NDUFAF6: variants seen among roughly 807,000 people sequenced by gnomAD.
NDUFAF6 encodes NADH dehydrogenase (ubiquinone) complex I, assembly factor 6.
Under a neutral mutation model 40.8 loss-of-function variants are expected in NDUFAF6, and 45 were observed. The observed-to-expected ratio is 1.10, with a 90% confidence interval of 0.87 to 1.42. The LOEUF (loss-of-function observed/expected upper bound fraction) is 1.42, where lower values mean the gene tolerates loss of function less well. Ranked by LOEUF, NDUFAF6 falls within the 40% of genes most tolerant of loss-of-function variation. NDUFAF6 has a pLI of 0.00. For missense variants in NDUFAF6, 435 were observed against 418.5 expected, an observed-to-expected ratio of 1.04 and a Z score of -0.34; for synonymous variants, 185 against 155.9, an observed-to-expected ratio of 1.19 and a Z score of -1.39.
At chr8:94,934,231 A>G (rs75750317) in intron 1 of NDUFAF6, among the ~76,000 whole-genome samples, 2,404 of 151,724 alleles carry the variant, frequency 0.016, 67 homozygotes, top group African/African-American at 0.054. Context: ...GTCATTTCCA[A>G]TTTTTGCATA....
chr8:94,905,561 G>A (rs1341230533), intron 1 of NDUFAF6, among the ~76,000 whole-genome samples: 3 of 152,110 alleles, frequency 2.0e-5, no homozygotes, highest in African/African-American at 7.2e-5. Context: ...GAGCTTCCCT[G>A]GTCCTTCCCC....
chr8:95,048,609 T>C (rs370925954), intron 7 of NDUFAF6, 51 bp downstream of exon 7: 5 of 1,264,670 alleles, frequency 4.0e-6, no homozygotes, highest in Non-Finnish European at 4.6e-6. Context: ...CATTTCTAGA[T>C]GTGGCTCTTC....
At chr8:94,990,819 C>T (rs566419319) in intron 2 of NDUFAF6, among the ~76,000 whole-genome samples, 1 of 152,350 alleles carries the variant, frequency 6.6e-6, no homozygotes, top group Admixed American at 6.5e-5. Flanking sequence ...ACAAGGGAAG[C>T]TTGAGACAGT....
intron 2 of NDUFAF6, among the ~76,000 whole-genome samples, chr8:94,987,551 CAT>C (rs938335825): frequency 1.3e-5 from 2 of 152,164 alleles, no homozygotes; most frequent in African/African-American, 4.8e-5. Context: ...TGGGAATCAG[CAT>C]ATGTTTAGAA....
chr8:95,052,721 A>G (rs1478448513), intron 8 of NDUFAF6, among the ~76,000 whole-genome samples: 1 of 152,078 alleles, frequency 6.6e-6, no homozygotes. Context: ...AACCTGGAAA[A>G]CTTTTTAAAA....
At chr8:95,100,558 T>C (rs1809618813) in intron 1 of NDUFAF6, 1 of 152,240 alleles carries the variant, frequency 6.6e-6, no homozygotes, top group African/African-American at 2.4e-5. Flanking sequence ...TCTATGTTTG[T>C]TTATGTTAAA....
intron 6 of NDUFAF6, among the ~76,000 whole-genome samples, chr8:95,047,489 CTTTGT>C (rs1409360993): frequency 1.4e-5 from 2 of 146,712 alleles, no homozygotes; most frequent in Admixed American, 1.4e-4. Context: ...TTTATGAGGA[CTTTGT>C]TTTCTTTTCT....
chr8:94,988,105 G>A (rs1327239375), intron 2 of NDUFAF6, among the ~76,000 whole-genome samples: 1 of 152,196 alleles, frequency 6.6e-6, no homozygotes, highest in Non-Finnish European at 1.5e-5. Context: ...CCACCACTAA[G>A]CCTCAGAAAT....
intron 1 of NDUFAF6, among the ~76,000 whole-genome samples, chr8:94,905,598 C>G (rs1216278136): frequency 6.6e-6 from 1 of 152,168 alleles, no homozygotes. Context: ...GCATCCTGCC[C>G]CTTCCTACCA....
chr8:94,972,674 T>C (rs566255402), intron 1 of NDUFAF6, among the ~76,000 whole-genome samples: 1 of 148,790 alleles, frequency 6.7e-6, no homozygotes, highest in African/African-American at 2.5e-5. Context: ...GAGGATTGTG[T>C]GAGCTCAGGA....
At chr8:94,978,686 C>T (rs140632872) in intron 1 of NDUFAF6, among the ~76,000 whole-genome samples, 226 of 151,858 alleles carry the variant, frequency 1.5e-3, no homozygotes, top group Non-Finnish European at 2.5e-3. Context: ...TTTGCTGTAA[C>T]CTGGGAGACA....
intron 1 of NDUFAF6, among the ~76,000 whole-genome samples, chr8:94,904,465 C>T (rs1345804903): frequency 1.3e-5 from 2 of 150,908 alleles, no homozygotes; most frequent in East Asian, 1.9e-4. Flanking sequence ...TGTGAGCCAC[C>T]GCGCCTGGCC....
In NDUFAF6 at chr8:94,983,256, C is replaced by CT. The variant is rs1173077785; in HGVS notation, c.-84+2309dup. Among the ~76,000 whole-genome samples, 706 of 83,214 alleles carry CT rather than the reference C, an allele frequency of 8.5e-3. 52 individuals carry two copies. The highest frequency in any genetic ancestry group is 0.011 in the Non-Finnish European group (436 of 40,496). 54.6% of individuals were successfully genotyped at this position (83,214 alleles called of 152,430 possible). A position where few individuals can be genotyped will look rare whatever the true frequency, so the allele number is the denominator to read the frequency against. ...GTAAATTCAAGATATCTTTGCTATT[C>CT]TTTTTTTTTTTTTTTTTTTTTTTTT... is the stretch of plus-strand genomic sequence containing the variant. On this transcript the variant is annotated intron_variant, in intron 2 of 9. Transcript: ENST00000396111.
chr8:94,911,270 T>TA (rs1191216577), intron 1 of NDUFAF6, among the ~76,000 whole-genome samples: 4 of 152,238 alleles, frequency 2.6e-5, no homozygotes, highest in Non-Finnish European at 5.9e-5. Flanking sequence ...AGCTAGTTTT[T>TA]ATCACTTAAT....
chr8:95,013,157 A>G lies in NDUFAF6; in HGVS notation c.-83-18838A>G, dbSNP rs190444891. On this transcript the variant is annotated intron_variant, in intron 2 of 9. Coordinates refer to the NDUFAF6 transcript ENST00000396111. ...TGCTCTCCAACCCAAACTATAGTGC[A>G]GTGGCACAATCATAGCTCACTGCAG... Among the ~76,000 whole-genome samples, 98 of 152,032 alleles carry G rather than the reference A, an allele frequency of 6.4e-4. No homozygotes were observed. The East Asian group carries it at 0.011, about 17-fold the overall frequency.
At chr8:95,036,637 AG>A (rs1274107998) in intron 3 of NDUFAF6, 1 of 621,944 alleles carries the variant, frequency 1.6e-6, no homozygotes, top group African/African-American at 1.9e-5. Flanking sequence ...GTGGAGGTGG[AG>A]GTTTATGTTA....
chr8:95,048,884 C>T (rs1831116221), intron 7 of NDUFAF6, among the ~76,000 whole-genome samples: 1 of 152,188 alleles, frequency 6.6e-6, no homozygotes, highest in Middle Eastern at 3.2e-3. Context: ...CGTCCCCCTC[C>T]CAGGGGCTGC....
chr8:94,974,349 G>A (rs1293664741), intron 1 of NDUFAF6, among the ~76,000 whole-genome samples: 1 of 152,078 alleles, frequency 6.6e-6, no homozygotes, highest in Admixed American at 6.5e-5. Flanking sequence ...AGGGAGGACA[G>A]TGAGTTGGCC....
chr8:95,047,901 A>G (rs1830988423), intron 6 of NDUFAF6, among the ~76,000 whole-genome samples: 1 of 151,432 alleles, frequency 6.6e-6, no homozygotes, highest in Admixed American at 6.6e-5. Context: ...TCTACCTACA[A>G]CTTGTTAATT....
Sources: gnomAD v4.1 joint callset for allele counts (sites outside exome capture counted in the v4.1 genomes callset) on GRCh38, gnomAD v4.1.1 for gene constraint, MANE v1.5 for transcripts, NCBI Gene and HGNC (gene_info 2026-07-23, HGNC 2026-07-21) for gene names.